LARGE1: variants seen among roughly 807,000 people sequenced by gnomAD.
LARGE1 encodes the protein LARGE xylosyl- and glucuronyltransferase 1, also known as xylosyl- and glucuronyltransferase LARGE1.
A neutral mutation model predicts 87.6 loss-of-function variants in LARGE1; 43 were observed. The observed-to-expected ratio is 0.49, with a 90% CI of 0.38 to 0.63. The LOEUF (loss-of-function observed/expected upper bound fraction) is 0.63. LARGE1 is among the 30% of genes least tolerant of loss of function. LARGE1 has a pLI of 0.00. For missense variants in LARGE1, 802 were observed against 1,000.2 expected (o/e 0.80, Z 2.67); for synonymous variants, 434 against 394.6 (o/e 1.10, Z -1.18).
At chr22:33,321,244 G>A (rs576401133) in intron 10 of LARGE1, among the ~76,000 whole-genome samples, 1 of 152,252 alleles carries the variant, frequency 6.6e-6, no homozygotes, top group Non-Finnish European at 1.5e-5. Context: ...CTGGGCCCCT[G>A]AAGACACCTA....
At chr22:33,915,040 C>CAGAGAGAGAG (rs1431046257) in intron 1 of LARGE1, among the ~76,000 whole-genome samples, 1 of 91,566 alleles carries the variant, frequency 1.1e-5, no homozygotes, top group African/African-American at 3.5e-5. Context: ...CACACACACA[C>CAGAGAGAGAG]ACAGAGAGAG....
intron 11 of LARGE1, among the ~76,000 whole-genome samples, chr22:33,185,224 A>G (rs1375212406): frequency 6.6e-6 from 1 of 152,214 alleles, no homozygotes; most frequent in Non-Finnish European, 1.5e-5. Context: ...ATTCAGTGAC[A>G]AAGATATAAG....
chr22:33,420,956 G>T (rs1371497588), intron 7 of LARGE1, among the ~76,000 whole-genome samples: 1 of 152,092 alleles, frequency 6.6e-6, no homozygotes, highest in Non-Finnish European at 1.5e-5. Flanking sequence ...GGGAGGCCGA[G>T]GGGGGTGAAT....
intron 12 of LARGE1, among the ~76,000 whole-genome samples, chr22:33,295,758 A>C (rs1249309288): frequency 6.6e-6 from 1 of 152,186 alleles, no homozygotes; most frequent in African/African-American, 2.4e-5. Context: ...CAAATGAGGG[A>C]GACAGGGCAG....
At chr22:33,477,587 C>A (rs1418034208) in intron 6 of LARGE1, among the ~76,000 whole-genome samples, 1 of 152,112 alleles carries the variant, frequency 6.6e-6, no homozygotes, top group African/African-American at 2.4e-5. Flanking sequence ...TGGTTAGACA[C>A]AACTCCCCCC....
intron 10 of LARGE1, among the ~76,000 whole-genome samples, chr22:33,329,458 T>G (rs1450615666): frequency 6.6e-6 from 1 of 151,968 alleles, no homozygotes; most frequent in Non-Finnish European, 1.5e-5. Flanking sequence ...GGGCGTTGGC[T>G]GCCTTGGAAA....
chr22:33,539,467 A>G (rs960538388), intron 6 of LARGE1, among the ~76,000 whole-genome samples: 1 of 152,212 alleles, frequency 6.6e-6, no homozygotes, highest in African/African-American at 2.4e-5. Flanking sequence ...ATCCTGTTCT[A>G]TTAGCTAGGC....
intron 6 of LARGE1, among the ~76,000 whole-genome samples, chr22:33,464,312 C>T (rs1478255315): frequency 6.6e-6 from 1 of 151,938 alleles, no homozygotes; most frequent in Admixed American, 6.6e-5. Flanking sequence ...TTTTTATGAC[C>T]CCAGGTTTTG....
At chr22:33,821,364 T>A (rs1417698943) in intron 1 of LARGE1, among the ~76,000 whole-genome samples, 1 of 152,140 alleles carries the variant, frequency 6.6e-6, no homozygotes, top group African/African-American at 2.4e-5. Flanking sequence ...GAACAGTGCC[T>A]GACACACAGC....
At chr22:33,095,871 C>A in the LARGE1 span, among the ~76,000 whole-genome samples, 4 of 152,218 alleles carry the variant, frequency 2.6e-5, no homozygotes, top group East Asian at 7.7e-4. Context: ...TTTAAATAGA[C>A]CTACCCGCGT....
downstream of LARGE1, among the ~76,000 whole-genome samples, chr22:33,271,641 A>T (rs1165213093): frequency 6.6e-6 from 1 of 152,256 alleles, no homozygotes; most frequent in Non-Finnish European, 1.5e-5. Flanking sequence ...AATTGATGCA[A>T]AGAAATCAAC....
At chr22:33,501,847 A>G (rs2070454111) in intron 6 of LARGE1, among the ~76,000 whole-genome samples, 1 of 152,192 alleles carries the variant, frequency 6.6e-6, no homozygotes, top group Non-Finnish European at 1.5e-5. Flanking sequence ...TCAGTGTAAA[A>G]TGACAACCAT....
the LARGE1 span, among the ~76,000 whole-genome samples, chr22:33,082,484 A>G: frequency 6.6e-6 from 1 of 152,200 alleles, no homozygotes; most frequent in South Asian, 2.1e-4. Flanking sequence ...CAAGGTAATC[A>G]GCTTTGAAGC....
chr22:33,276,760 G>T (rs1437397963), intron 14 of LARGE1, among the ~76,000 whole-genome samples: 2 of 152,218 alleles, frequency 1.3e-5, no homozygotes, highest in Non-Finnish European at 2.9e-5. Context: ...ACCAAGTGAT[G>T]AATGGTCACA....
intron 7 of LARGE1, among the ~76,000 whole-genome samples, chr22:33,413,755 G>A (rs144725784): frequency 0.019 from 2,811 of 151,920 alleles, 76 homozygotes; most frequent in Admixed American, 0.08. Context: ...GTGACCCACC[G>A]CACCCGGCCT....
chr22:33,464,568 C>G (rs949835129), intron 6 of LARGE1, among the ~76,000 whole-genome samples: 46 of 152,172 alleles, frequency 3.0e-4, no homozygotes, highest in Non-Finnish European at 3.5e-4. Flanking sequence ...AAGATATAAA[C>G]AAATATTTCT....
Position 33,527,818 on chromosome 22 carries a change from T to G in LARGE1, c.787+37030A>C, listed in dbSNP as rs575846735. Among the ~76,000 whole-genome samples the G allele has an allele frequency of 1.2e-3, 180 of 152,156 alleles. 1 individual carries two copies. The highest frequency in any genetic ancestry group is 4.2e-3 in the African/African-American group (175 of 41,536). ...GAGACAGTGGAGGAGGTGTAAACAG[T>G]GGTTCCCAAATGACAAACCACATCT... On this transcript the variant is annotated intron_variant, in intron 6 of 14. Transcript: ENST00000397394.
At chr22:33,767,923 C>T (rs2084954082) in intron 1 of LARGE1, among the ~76,000 whole-genome samples, 1 of 152,236 alleles carries the variant, frequency 6.6e-6, no homozygotes. Flanking sequence ...GCCACTCACA[C>T]ATTGTCACTC....
intron 1 of LARGE1, among the ~76,000 whole-genome samples, chr22:33,888,597 T>G (rs1171926096): frequency 4.6e-5 from 7 of 152,208 alleles, no homozygotes; most frequent in African/African-American, 1.7e-4. Flanking sequence ...GGCTCACCGC[T>G]GTAATCCCAG....
Sources: gnomAD v4.1 joint callset for allele counts (sites outside exome capture counted in the v4.1 genomes callset) on GRCh38, gnomAD v4.1.1 for gene constraint, MANE v1.5 for transcripts, NCBI Gene and HGNC (gene_info 2026-07-23, HGNC 2026-07-21) for gene names.